Variants in TEX11 observed in about 807,000 individuals in gnomAD.
TEX11 encodes testis expressed 11.
In TEX11, 7 loss-of-function variants were observed where a neutral mutation model predicts 84.4. The ratio of observed to expected loss-of-function variants is 0.08; its 90% CI spans 0.05 to 0.16. TEX11 has a LOEUF of 0.16. TEX11 is among the 10% of genes least tolerant of loss of function. The pLI is 1.00. For missense variants in TEX11, 551 were observed against 660.5 expected (o/e 0.83, Z 1.82); for synonymous variants, 264 against 222.8 (o/e 1.18, Z -1.64).
chrX:70,708,280 T>C (rs2090394733), intron 13 of TEX11, among the ~76,000 whole-genome samples: 1 of 111,525 alleles, frequency 9.0e-6, no homozygotes, highest in Admixed American at 9.5e-5. Flanking sequence ...ATGGCTATTA[T>C]TAAAAAGTCA....
downstream of TEX11, among the ~76,000 whole-genome samples, chrX:70,526,868 T>C (rs1478286550): frequency 9.0e-6 from 1 of 111,429 alleles, no homozygotes; most frequent in East Asian, 2.8e-4. Flanking sequence ...GTGCATCTTA[T>C]TGTGCCACAA....
intron 5 of TEX11, chrX:70,857,326 C>A (rs189287162): frequency 1.9e-4 from 24 of 127,169 alleles, no homozygotes; most frequent in Non-Finnish European, 3.6e-4. Context: ...AACTGGCAAA[C>A]CTTTATCTTG....
intron 8 of TEX11, among the ~76,000 whole-genome samples, chrX:70,814,745 C>G (rs1190622232): frequency 8.9e-6 from 1 of 112,705 alleles, no homozygotes; most frequent in Non-Finnish European, 1.9e-5. Flanking sequence ...TTTCAGACAT[C>G]AATTGGCCAT....
At chrX:70,627,852 T>C (rs1453133831) in intron 18 of TEX11, among the ~76,000 whole-genome samples, 1 of 111,802 alleles carries the variant, frequency 8.9e-6, no homozygotes, top group African/African-American at 3.2e-5. Context: ...TCTTATTGTT[T>C]AGAGAATAAA....
intron 16 of TEX11, 61 bp downstream of exon 16, chrX:70,670,316 A>G: frequency 1.8e-6 from 2 of 1,141,922 alleles, no homozygotes; most frequent in East Asian, 3.1e-5. Context: ...CATGGCATCT[A>G]TCTCTCTGCC....
rs1223069531 is a variant in TEX11 at position 70,880,127 on chromosome X, G to A, written c.38-18C>T. 7 of 1,154,128 alleles carry A rather than the reference G, an allele frequency of 6.1e-6. No individual in the cohort carries two copies. The highest frequency in any genetic ancestry group is 8.1e-6 in the Non-Finnish European group (7 of 859,471). ...AACAACTTCTGAAATGACAATGGAT[G>A]ATAAATGTGCTGTGAACTATTACCA... On this transcript the variant is annotated intron_variant, in intron 2 of 29. Coordinates refer to ENST00000374333, the MANE Select transcript of TEX11 (RefSeq NM_031276.3).
At chrX:70,718,380 C>A (rs756133775) in intron 13 of TEX11, among the ~76,000 whole-genome samples, 2 of 112,320 alleles carry the variant, frequency 1.8e-5, no homozygotes, top group East Asian at 5.6e-4. Flanking sequence ...CATCTCTGGA[C>A]ACCAATTTCA....
chrX:70,907,616 G>A, intron 2 of TEX11, 137 bp downstream of exon 2: 2 of 451,155 alleles, frequency 4.4e-6, no homozygotes. Context: ...CTGGTCTCGA[G>A]CCCCTGACCT....
At chrX:70,850,813 T>C (rs1326640786) in intron 7 of TEX11, among the ~76,000 whole-genome samples, 1 of 110,304 alleles carries the variant, frequency 9.1e-6, no homozygotes, top group Non-Finnish European at 1.9e-5. Context: ...CTCACGCCTG[T>C]AATCCCAGCA....
At chrX:70,692,093 A>G (rs58644788) in intron 13 of TEX11, among the ~76,000 whole-genome samples, 1,249 of 111,697 alleles carry the variant, frequency 0.011, 23 homozygotes, top group African/African-American at 0.038. Context: ...AGGAGTGGCT[A>G]TATTTTTTAT....
rs767235799 is a variant in TEX11, at chrX:70,779,264, A to C, written c.692+27441T>G. Among the ~76,000 whole-genome samples the C allele has an allele frequency of 8.3e-5, 9 of 108,002 alleles. No homozygotes were observed. The Admixed American group carries it at 9.1e-4, about 11-fold the overall frequency. The allele number at this position is 108,002 out of a possible 115,157, so 93.8% of individuals were successfully genotyped here. A position where few individuals can be genotyped will look rare whatever the true frequency, so the allele number is the denominator to read the frequency against. ...ACCCCGTCCCTATTAAAAATACAAAAATTAGCCAAGAGTGGTCGTGGGTGC... is the reference window on the plus strand; with the variant it reads ...ACCCCGTCCCTATTAAAAATACAAACATTAGCCAAGAGTGGTCGTGGGTGC... On this transcript the variant is annotated intron_variant, in intron 9 of 29. Coordinates refer to ENST00000374333, the MANE Select transcript of TEX11 (RefSeq NM_031276.3).
chrX:70,535,047 T>C (rs2087938781), intron 28 of TEX11, among the ~76,000 whole-genome samples: 1 of 111,767 alleles, frequency 8.9e-6, no homozygotes, highest in Non-Finnish European at 1.9e-5. Flanking sequence ...TTTCTGGACA[T>C]TTAAGATAAA....
At chrX:70,898,067 T>G (rs1314966605) in intron 2 of TEX11, among the ~76,000 whole-genome samples, 1 of 111,557 alleles carries the variant, frequency 9.0e-6, no homozygotes, top group African/African-American at 3.3e-5. Flanking sequence ...AACAAACATT[T>G]CTTGAATGCC....
chrX:70,512,140 C>T, the TEX11 span, among the ~76,000 whole-genome samples: 2 of 108,228 alleles, frequency 1.8e-5, no homozygotes, highest in Non-Finnish European at 3.8e-5. Context: ...CATGCTTTTC[C>T]TTTTGCCTGG....
intron 28 of TEX11, among the ~76,000 whole-genome samples, chrX:70,530,239 A>G (rs181019682): frequency 2.7e-5 from 3 of 111,646 alleles, no homozygotes; most frequent in Non-Finnish European, 5.6e-5. Flanking sequence ...TGACTGAAGG[A>G]AAGAATTAGA....
intron 9 of TEX11, among the ~76,000 whole-genome samples, chrX:70,747,800 T>A (rs1000296719): frequency 1.8e-5 from 2 of 111,474 alleles, no homozygotes; most frequent in East Asian, 5.6e-4. Context: ...CTAGGGTACA[T>A]GTGCACAACC....
chrX:70,636,332 C>G (rs778309659), intron 17 of TEX11, among the ~76,000 whole-genome samples: 7 of 111,304 alleles, frequency 6.3e-5, no homozygotes, highest in African/African-American at 2.3e-4. Context: ...CTAGGACTGT[C>G]TCAGTGGCCC....
chrX:70,690,598 C>G (rs2090226046), intron 13 of TEX11, among the ~76,000 whole-genome samples: 1 of 110,659 alleles, frequency 9.0e-6, no homozygotes, highest in African/African-American at 3.3e-5. Flanking sequence ...CCTGGCTACT[C>G]AGGAGGCTGA....
chrX:70,807,187 C>G (rs2091224214), intron 8 of TEX11, among the ~76,000 whole-genome samples: 2 of 111,414 alleles, frequency 1.8e-5, no homozygotes, highest in African/African-American at 6.5e-5. Context: ...GGCACTAGAG[C>G]AGGGAGTATA....
Sources: gnomAD v4.1 joint callset for allele counts (sites outside exome capture counted in the v4.1 genomes callset) on GRCh38, gnomAD v4.1.1 for gene constraint, MANE v1.5 for transcripts, NCBI Gene and HGNC (gene_info 2026-07-23, HGNC 2026-07-21) for gene names.